The following TBC1D14 variants were observed in gnomAD, a reference collection of about 807,000 sequenced individuals.
The protein encoded by TBC1D14 is TBC1 domain family member 14.
TBC1D14 carries 26 observed loss-of-function variants against 79.0 expected under a neutral mutation model. The ratio of observed to expected loss-of-function variants is 0.33; its 90% CI spans 0.24 to 0.46. The LOEUF is 0.46. TBC1D14 is among the 20% of genes least tolerant of loss of function. TBC1D14 has a pLI of 1.00. For missense variants in TBC1D14, 769 were observed against 887.6 expected (o/e 0.87, Z 1.70); for synonymous variants, 394 against 349.9 (o/e 1.13, Z -1.40).
intron 3 of TBC1D14, among the ~76,000 whole-genome samples, chr4:6,989,115 G>A (rs534714751): frequency 1.6e-4 from 24 of 152,032 alleles, no homozygotes; most frequent in African/African-American, 5.8e-4. Flanking sequence ...ATTGAAGCAG[G>A]CTTTTCCCCC....
chr4:6,998,934 C>T (rs561195590), intron 5 of TBC1D14, 151 bp from the exon 6 acceptor site: 105 of 643,960 alleles, frequency 1.6e-4, no homozygotes, highest in Middle Eastern at 2.6e-4. Context: ...TTCTGGAGTC[C>T]GTCAGGTGTG....
At chr4:7,027,213 A>T (rs1358140052) in intron 13 of TBC1D14, among the ~76,000 whole-genome samples, 1 of 151,976 alleles carries the variant, frequency 6.6e-6, no homozygotes, top group African/African-American at 2.4e-5. Context: ...TCCATCTCAA[A>T]AAAACCCCAA....
At chr4:6,948,267 C>T (rs1012859219) in intron 2 of TBC1D14, among the ~76,000 whole-genome samples, 2 of 152,202 alleles carry the variant, frequency 1.3e-5, no homozygotes, top group Non-Finnish European at 2.9e-5. Flanking sequence ...GTCAGCATTT[C>T]GCTCCCCATG....
chr4:7,022,462 C>T (rs762154465), intron 12 of TBC1D14, among the ~76,000 whole-genome samples: 1 of 152,170 alleles, frequency 6.6e-6, no homozygotes, highest in African/African-American at 2.4e-5. Context: ...TGCAGTGCAG[C>T]GTGAACATTT....
intron 4 of TBC1D14, 99 bp from the exon 5 acceptor site, chr4:6,996,226 T>G (rs1719031943): frequency 2.1e-6 from 2 of 946,944 alleles, no homozygotes; most frequent in South Asian, 2.9e-5. Context: ...TTTTTAGTGT[T>G]TGAGCTTTAT....
rs140782958 is a variant in TBC1D14, at chr4:6,918,680, G to C, written c.-17-4693G>C. On this transcript the variant is annotated intron_variant, in intron 1 of 13. Transcript: ENST00000409757. Reference sequence around the variant, plus strand: ...CAGCTGGGCCTGCGAGAGGCCCTCAGCTCTGTTTAGCATAGGATTTCCTCT... The same window carrying C: ...CAGCTGGGCCTGCGAGAGGCCCTCACCTCTGTTTAGCATAGGATTTCCTCT... 3.9e-3 allele frequency among the ~76,000 whole-genome samples: 589 copies of C among 152,336 alleles called. 4 individuals carry two copies. Among genetic ancestry groups the C allele is most frequent in the African/African-American group, 0.013 (527 of 41,582 alleles).
intron 5 of TBC1D14, 133 bp from the exon 6 acceptor site, chr4:6,998,952 C>T (rs1464125585): frequency 1.4e-5 from 10 of 731,686 alleles, no homozygotes; most frequent in East Asian, 5.4e-5. Flanking sequence ...GTGAAGTGAG[C>T]GCTGGAGCTG....
chr4:6,965,799 G>A (rs913563037), intron 2 of TBC1D14, among the ~76,000 whole-genome samples: 5 of 152,216 alleles, frequency 3.3e-5, no homozygotes, highest in African/African-American at 1.2e-4. Context: ...TTATAGGTGT[G>A]AGCCACCACT....
At chr4:6,917,899 C>T (rs760049055) in intron 1 of TBC1D14, among the ~76,000 whole-genome samples, 2 of 152,188 alleles carry the variant, frequency 1.3e-5, no homozygotes, top group Non-Finnish European at 2.9e-5. Context: ...TGCTTGAGGA[C>T]AGGTCGCCTT....
At chr4:7,028,412 C>T (rs995752059) in intron 13 of TBC1D14, among the ~76,000 whole-genome samples, 4 of 150,806 alleles carry the variant, frequency 2.7e-5, no homozygotes, top group Admixed American at 1.3e-4. Context: ...GCATCAGTGA[C>T]GTGCTGTCAG....
At chr4:6,954,373 G>A in intron 2 of TBC1D14, 1 of 717,490 alleles carries the variant, frequency 1.4e-6, no homozygotes, top group East Asian at 2.7e-5. Flanking sequence ...CTTGCTGTTG[G>A]AACTGGAGAC....
chr4:6,912,310 G>A (rs1459997015), intron 1 of TBC1D14, among the ~76,000 whole-genome samples: 2 of 149,588 alleles, frequency 1.3e-5, no homozygotes, highest in East Asian at 3.9e-4. Flanking sequence ...AACCCGGGAG[G>A]TGGAGGTTGC....
At chr4:6,976,936 A>G (rs980632889) in intron 3 of TBC1D14, among the ~76,000 whole-genome samples, 5 of 151,832 alleles carry the variant, frequency 3.3e-5, no homozygotes, top group African/African-American at 4.8e-5. Context: ...ACAGTTGAAT[A>G]TACATAACTC....
At chr4:6,993,677 A>C (rs543670391) in intron 3 of TBC1D14, among the ~76,000 whole-genome samples, 3 of 152,330 alleles carry the variant, frequency 2.0e-5, no homozygotes, top group African/African-American at 7.2e-5. Context: ...GGAAGCGTGC[A>C]GTCATATCAT....
chr4:6,964,862 C>T lies in TBC1D14; in HGVS notation c.723-2442C>T, dbSNP rs572913506. Among the ~76,000 whole-genome samples, 6 of 152,172 alleles carry T rather than the reference C, an allele frequency of 3.9e-5. No individual in the cohort carries two copies. The East Asian group carries it at 7.7e-4, about 20-fold the overall frequency. Reference sequence around the variant, plus strand: ...AATTTACTAAAAAACTGCAGAAAACCCCCGGAACTCCAATATATTCTTTAC... The same window carrying T: ...AATTTACTAAAAAACTGCAGAAAACTCCCGGAACTCCAATATATTCTTTAC... On this transcript the variant is annotated intron_variant, in intron 2 of 13. Transcript: ENST00000409757.
rs756746627 is a variant in TBC1D14, at chr4:7,001,211, C to T, written c.1230C>T (p.Val410=). The T allele has an allele frequency of 3.1e-6, 5 of 1,614,120 alleles. No individual in the cohort carries two copies. Among genetic ancestry groups the T allele is most frequent in the Non-Finnish European group, 4.2e-6 (5 of 1,180,026 alleles). ...QGIPPSVRGK[V]WSLAIGNELN... ...TCCCTCCAAGTGTGAGAGGCAAAGT[C>T]TGGAGCTTAGCCATTGGCAACGAGT... The change falls in exon 7 of 14, where the codon GTC becomes GTT. Residue 410 remains valine (V), a synonymous_variant. Transcript: ENST00000409757.
At chr4:6,945,474 C>G (rs186734504) in intron 2 of TBC1D14, among the ~76,000 whole-genome samples, 1 of 152,076 alleles carries the variant, frequency 6.6e-6, no homozygotes, top group Non-Finnish European at 1.5e-5. Flanking sequence ...CATAGCTGGT[C>G]GTGGTGGCTC....
intron 3 of TBC1D14, among the ~76,000 whole-genome samples, chr4:6,988,196 C>T (rs982769786): frequency 1.3e-5 from 2 of 152,224 alleles, no homozygotes; most frequent in Non-Finnish European, 2.9e-5. Context: ...TTACAAATGG[C>T]CAAGTGTGAG....
chr4:6,912,209 T>G (rs2108892256), intron 1 of TBC1D14, among the ~76,000 whole-genome samples: 1 of 151,950 alleles, frequency 6.6e-6, no homozygotes, highest in African/African-American at 2.4e-5. Context: ...GCCAACATGG[T>G]GAAACCCTGT....
Sources: allele counts gnomAD v4.1 joint callset (sites outside exome capture counted in the v4.1 genomes callset), GRCh38; gene constraint gnomAD v4.1.1; transcripts MANE v1.5; gene names NCBI Gene and HGNC (gene_info 2026-07-23, HGNC 2026-07-21).